GADL1: variants seen among roughly 807,000 people sequenced by gnomAD.
GADL1 encodes the protein GAD like acidic amino acid decarboxylase 1.
Under a neutral mutation model 69.5 loss-of-function variants are expected in GADL1, and 71 were observed. That is an observed-to-expected ratio of 1.02 (90% CI 0.84 to 1.25). GADL1 has a LOEUF of 1.25. GADL1 is among the 50% of genes most tolerant of loss of function. GADL1 has a pLI of 0.00. For missense variants in GADL1, 737 were observed against 631.8 expected, an observed-to-expected ratio of 1.17 and a Z score of -1.79; for synonymous variants, 254 against 214.4, an observed-to-expected ratio of 1.18 and a Z score of -1.62.
intron 11 of GADL1, among the ~76,000 whole-genome samples, chr3:30,811,540 C>G (rs1465709414): frequency 6.6e-6 from 1 of 152,152 alleles, no homozygotes; most frequent in East Asian, 1.9e-4. Context: ...CAAACTCTGA[C>G]TAGAATTCAC....
At chr3:30,750,969 G>A (rs1338412389) in intron 14 of GADL1, among the ~76,000 whole-genome samples, 1 of 152,090 alleles carries the variant, frequency 6.6e-6, no homozygotes, top group East Asian at 1.9e-4. Context: ...TAAAAGAAGC[G>A]TGCTTTGAGA....
chr3:30,788,029 C>T (rs1034415660), intron 12 of GADL1, among the ~76,000 whole-genome samples: 5 of 152,094 alleles, frequency 3.3e-5, no homozygotes, highest in African/African-American at 9.7e-5. Context: ...TGAGCGATAA[C>T]GTGAGCATAC....
At chr3:30,780,641 T>G (rs1013225520) in intron 13 of GADL1, among the ~76,000 whole-genome samples, 2 of 152,220 alleles carry the variant, frequency 1.3e-5, no homozygotes, top group Admixed American at 1.3e-4. Context: ...CGATGTTTTA[T>G]CTATTATGGG....
At position 30,752,267 on chromosome 3, in the gene GADL1, C is replaced by T. The variant is rs536244287; in HGVS notation, c.1393-23852G>A. Among the ~76,000 whole-genome samples the T allele has an allele frequency of 5.3e-5, 8 of 152,254 alleles. No homozygotes were observed. The East Asian group carries it at 1.4e-3, about 26-fold the overall frequency. ...GCTAGATCCACAAACCGAGCACTAGCACAGGCTGGCACGAAACACAGCTTA... is the reference window on the plus strand; with the variant it reads ...GCTAGATCCACAAACCGAGCACTAGTACAGGCTGGCACGAAACACAGCTTA... On this transcript the variant is annotated intron_variant, in intron 14 of 14. Coordinates refer to ENST00000282538, the MANE Select transcript of GADL1 (RefSeq NM_207359.3).
intron 12 of GADL1, among the ~76,000 whole-genome samples, chr3:30,796,929 G>GTT (rs796971957): frequency 6.6e-6 from 1 of 152,132 alleles, no homozygotes; most frequent in Admixed American, 6.6e-5. Flanking sequence ...AAAGCCATGT[G>GTT]TTTACCTGTC....
chr3:30,741,392 T>C (rs1051223858), intron 14 of GADL1, among the ~76,000 whole-genome samples: 3 of 151,980 alleles, frequency 2.0e-5, no homozygotes, highest in African/African-American at 7.2e-5. Flanking sequence ...ACCAGTAGTC[T>C]CAACACTGCT....
chr3:30,758,710 G>GA (rs2125483559), intron 14 of GADL1, among the ~76,000 whole-genome samples: 1 of 152,328 alleles, frequency 6.6e-6, no homozygotes, highest in East Asian at 1.9e-4. Context: ...TTTTCATGGT[G>GA]ACTCCATTCA....
intron 1 of GADL1, among the ~76,000 whole-genome samples, chr3:30,863,442 A>G (rs1698351497): frequency 6.6e-6 from 1 of 152,004 alleles, no homozygotes; most frequent in Non-Finnish European, 1.5e-5. Context: ...ATGAAAATCT[A>G]TATCTGAGAA....
Position 30,817,186 on chromosome 3 carries a change from G to A in GADL1, c.1051-16098C>T, listed in dbSNP as rs561070877. 1.8e-4 allele frequency among the ~76,000 whole-genome samples: 27 copies of A among 152,268 alleles called. 1 individual carries two copies. In the South Asian group the frequency reaches 5.6e-3, roughly 32 times the overall value. ...TTGGTTCTAAATAATTATGATAAAT[G>A]TCCTGAATGTAAGTGACAACCTTTC... is the stretch of plus-strand genomic sequence containing the variant. On this transcript the variant is annotated intron_variant, in intron 11 of 14. Transcript: ENST00000282538.
At chr3:30,861,167 G>A (rs975821340) in intron 2 of GADL1, among the ~76,000 whole-genome samples, 5 of 151,866 alleles carry the variant, frequency 3.3e-5, no homozygotes, top group Non-Finnish European at 7.4e-5. Context: ...AATTTAAAAT[G>A]TTTTTACATC....
intron 14 of GADL1, among the ~76,000 whole-genome samples, chr3:30,761,681 ATT>A (rs1389385294): frequency 6.7e-6 from 1 of 149,424 alleles, no homozygotes; most frequent in South Asian, 2.1e-4. Flanking sequence ...AAGGAATGAG[ATT>A]TTTTTAGACA....
chr3:30,773,080 ATAGTTTGCAAAC>A (rs1696453001), intron 14 of GADL1, among the ~76,000 whole-genome samples: 1 of 151,218 alleles, frequency 6.6e-6, no homozygotes, highest in Non-Finnish European at 1.5e-5. Context: ...TCATGAGAAA[ATAGTTTGCAAAC>A]TAATTAATTA....
chr3:30,808,342 C>G (rs934063972), intron 11 of GADL1, among the ~76,000 whole-genome samples: 6 of 151,874 alleles, frequency 4.0e-5, no homozygotes, highest in Non-Finnish European at 7.4e-5. Context: ...ACTAAAAATA[C>G]AAAAATTAAC....
intron 1 of GADL1, among the ~76,000 whole-genome samples, chr3:30,887,463 G>T (rs1001106105): frequency 6.6e-6 from 1 of 152,100 alleles, no homozygotes; most frequent in Non-Finnish European, 1.5e-5. Context: ...TTGTGCATTA[G>T]CACTCTCAGC....
chr3:30,874,607 C>A (rs1311727017), intron 1 of GADL1, among the ~76,000 whole-genome samples: 1 of 151,850 alleles, frequency 6.6e-6, no homozygotes, highest in East Asian at 1.9e-4. Flanking sequence ...CCTGTGTAAC[C>A]CCTTCTAAAG....
At chr3:30,786,679 C>CTG (rs1452818193) in intron 12 of GADL1, among the ~76,000 whole-genome samples, 1 of 152,186 alleles carries the variant, frequency 6.6e-6, no homozygotes, top group Non-Finnish European at 1.5e-5. Flanking sequence ...ATAAAGCAGG[C>CTG]TGGATATATA....
intron 14 of GADL1, among the ~76,000 whole-genome samples, chr3:30,734,669 A>C (rs577509307): frequency 6.6e-6 from 1 of 152,278 alleles, no homozygotes; most frequent in South Asian, 2.1e-4. Flanking sequence ...TATTAAACGG[A>C]TAGTTTCACC....
chr3:30,840,218 TTG>T (rs1697944689), intron 8 of GADL1, among the ~76,000 whole-genome samples: 1 of 152,160 alleles, frequency 6.6e-6, no homozygotes. Flanking sequence ...CCAGGGATTA[TTG>T]TGTTTGAACC....
intron 11 of GADL1, among the ~76,000 whole-genome samples, chr3:30,833,235 A>G (rs938951659): frequency 1.3e-5 from 2 of 152,042 alleles, no homozygotes; most frequent in African/African-American, 4.8e-5. Flanking sequence ...TGGAAAACAC[A>G]GAGTTTATAC....
Sources: gnomAD v4.1 joint callset for allele counts (sites outside exome capture counted in the v4.1 genomes callset) on GRCh38, gnomAD v4.1.1 for gene constraint, MANE v1.5 for transcripts, NCBI Gene and HGNC (gene_info 2026-07-23, HGNC 2026-07-21) for gene names.